TADA3: variants seen among roughly 807,000 people sequenced by gnomAD.
The protein encoded by TADA3 is transcriptional adapter 3.
Under a neutral mutation model 43.2 loss-of-function variants are expected in TADA3, and 25 were observed. The ratio of observed to expected loss-of-function variants is 0.58; its 90% CI spans 0.42 to 0.81. The LOEUF (loss-of-function observed/expected upper bound fraction) is 0.81. Ranked by LOEUF, TADA3 falls within the 30% of genes least tolerant of loss-of-function variation. TADA3 has a pLI of 0.00. For missense variants in TADA3, 441 were observed against 567.8 expected, an observed-to-expected ratio of 0.78 and a Z score of 2.27; for synonymous variants, 235 against 225.5, an observed-to-expected ratio of 1.04 and a Z score of -0.38.
At chr3:9,784,825 T>C (rs2078567869) in intron 7 of TADA3, among the ~76,000 whole-genome samples, 1 of 151,070 alleles carries the variant, frequency 6.6e-6, no homozygotes. Flanking sequence ...GATTGCGCCA[T>C]TGCGCTCCAA....
chr3:9,787,894 G>C (rs1247748814), intron 4 of TADA3: 2 of 388,736 alleles, frequency 5.1e-6, no homozygotes, highest in Non-Finnish European at 9.8e-6. Flanking sequence ...CTGTCAAGGA[G>C]ACAAGAGGGA....
chr3:9,790,092 A>G (rs1192607675), intron 2 of TADA3, 129 bp from the exon 3 acceptor site: 1 of 1,195,928 alleles, frequency 8.4e-7, no homozygotes, highest in African/African-American at 1.5e-5. Flanking sequence ...CTTTTTACCT[A>G]GTAAACTCTT....
At chr3:9,788,173 C>T (rs1220029980) in intron 4 of TADA3, 1 of 154,950 alleles carries the variant, frequency 6.5e-6, no homozygotes, top group Non-Finnish European at 1.4e-5. Flanking sequence ...TCTCCCTCAA[C>T]ATTTTTCTGT....
upstream of TADA3, chr3:9,792,506 G>C (rs936123560): frequency 8.2e-7 from 1 of 1,218,240 alleles, no homozygotes; most frequent in Non-Finnish European, 1.0e-6. Flanking sequence ...GTTGACGCGG[G>C]GGCGGGGAGT....
upstream of TADA3, chr3:9,792,990 C>A (rs1575314571): frequency 2.0e-6 from 3 of 1,468,188 alleles, no homozygotes; most frequent in Admixed American, 2.5e-5. Context: ...GGGCTCTCTA[C>A]CCCGCTCGGA....
At chr3:9,787,994 G>A (rs1011380637) in intron 4 of TADA3, 2 of 317,722 alleles carry the variant, frequency 6.3e-6, no homozygotes, top group Middle Eastern at 8.0e-4. Context: ...TGGTCAACAC[G>A]GCAATGAAGA....
At chr3:9,791,559 T>C in intron 1 of TADA3, 66 bp from the exon 2 acceptor site, 1 of 962,456 alleles carries the variant, frequency 1.0e-6, no homozygotes, top group Non-Finnish European at 1.5e-6. Context: ...GCTTCTTACC[T>C]CCAGGGACAG....
chr3:9,790,221 G>A (rs2078700374), intron 2 of TADA3, among the ~76,000 whole-genome samples: 1 of 152,074 alleles, frequency 6.6e-6, no homozygotes, highest in Non-Finnish European at 1.5e-5. Context: ...TATCACCCAT[G>A]CCAGTCACAT....
intron 6 of TADA3, among the ~76,000 whole-genome samples, chr3:9,785,667 G>A (rs1399325783): frequency 6.6e-6 from 1 of 152,238 alleles, no homozygotes. Flanking sequence ...ACTCAATGAT[G>A]GTAATGAACA....
rs143747476 is a variant in TADA3, at chr3:9,791,305, C to T, written c.162G>A (p.Leu54=). ...DTLQLELETL[L]SSASRRLRVL... Reference sequence around the variant, plus strand: ...CACGCAGGCGCCGGCTGGCAGAAGACAGCAGGGTCTCCAGCTCCAGCTGCA... The same window carrying T: ...CACGCAGGCGCCGGCTGGCAGAAGATAGCAGGGTCTCCAGCTCCAGCTGCA... The change falls in exon 2 of 9, where the codon CTG becomes CTA. Residue 54 remains leucine (L), a synonymous_variant. Transcript: ENST00000301964. 4 of 1,613,840 alleles carry T rather than the reference C, an allele frequency of 2.5e-6. No homozygotes were observed. Among genetic ancestry groups the T allele is most frequent in the Non-Finnish European group, 2.5e-6 (3 of 1,180,030 alleles).
At position 9,787,203 on chromosome 3, in the gene TADA3, A is replaced by G. The variant is rs1466339068; in HGVS notation, c.702T>C (p.Thr234=). ...GLMGPLTELD[T]KDVDALLKKS... ...GCAGGGAGGTGAGAGGCCTACCTTT[A>G]GTGTCCAGTTCGGTCAGTGGCCCCA... Residue 234 remains threonine, a synonymous_variant, in exon 5 of 9, where the codon ACT becomes ACC. Transcript: ENST00000301964. 2.5e-6 allele frequency: 4 copies of G among 1,614,170 alleles called. No individual in the cohort carries two copies. The highest frequency in any genetic ancestry group is 3.4e-6 in the Non-Finnish European group (4 of 1,180,022).
rs1336366149 is a variant in TADA3, at chr3:9,791,244, T to A, written c.207+16A>T. The A allele has an allele frequency of 1.2e-6, 2 of 1,607,006 alleles. No homozygotes were observed. Among genetic ancestry groups the A allele is most frequent in the East Asian group, 2.2e-5 (1 of 44,850 alleles). On this transcript the variant is annotated intron_variant, in intron 2 of 8. Coordinates refer to ENST00000301964, the MANE Select transcript of TADA3 (RefSeq NM_006354.5). Reference sequence around the variant, plus strand: ...GCAGTCCATCTCTGGTGCTGGCCCCTCTCTGGGGTTATCACCTGGGTTTCG... The same window carrying A: ...GCAGTCCATCTCTGGTGCTGGCCCCACTCTGGGGTTATCACCTGGGTTTCG...
At chr3:9,788,999 C>G (rs1193238661) in intron 4 of TADA3, among the ~76,000 whole-genome samples, 3 of 151,996 alleles carry the variant, frequency 2.0e-5, no homozygotes, top group Non-Finnish European at 4.4e-5. Flanking sequence ...CCATGCCTGG[C>G]TAATTTTTTG....
chr3:9,780,902 C>T (rs1243984213), intron 8 of TADA3, among the ~76,000 whole-genome samples: 1 of 152,080 alleles, frequency 6.6e-6, no homozygotes, highest in African/African-American at 2.4e-5. Context: ...ACTTTGGGAG[C>T]CCAAGGCAGA....
At chr3:9,781,011 AC>A (rs1462833351) in intron 8 of TADA3, among the ~76,000 whole-genome samples, 2 of 152,008 alleles carry the variant, frequency 1.3e-5, no homozygotes, top group Non-Finnish European at 2.9e-5. Flanking sequence ...GGTAGTGCAC[AC>A]CTGTAGTCCC....
chr3:9,791,431 G>A lies in TADA3; in HGVS notation c.36C>T (p.His12=), dbSNP rs138693438. The A allele has an allele frequency of 7.7e-5, 124 of 1,613,652 alleles. No homozygotes were observed. In the Middle Eastern group the frequency reaches 3.0e-3, roughly 39 times the overall value. The change falls in exon 2 of 9, where the codon CAC becomes CAT. Residue 12 remains histidine (H), a synonymous_variant. Coordinates refer to ENST00000301964, the MANE Select transcript of TADA3 (RefSeq NM_006354.5). ...SELKDCPLQF[H]DFKSVDHLKV... The stretch of plus-strand genomic sequence containing the variant: ...TCAGGTGATCCACAGACTTGAAGTC[G>A]TGGAACTGCAAGGGGCAGTCTTTCA...
In TADA3 at chr3:9,785,299, G is replaced by A. The variant is rs747035526; in HGVS notation, c.920+17C>T. ...AGCGGGGGCCAGACTGTGGGTTGTG[G>A]ATAGGACACCACTCACCTGAAGGGC... is the stretch of plus-strand genomic sequence containing the variant. On this transcript the variant is annotated intron_variant, in intron 7 of 8. Coordinates refer to ENST00000301964, the MANE Select transcript of TADA3 (RefSeq NM_006354.5). The A allele has an allele frequency of 6.3e-7, 1 of 1,596,900 alleles. No individual in the cohort carries two copies. The highest frequency in any genetic ancestry group is 2.2e-5 in the East Asian group (1 of 44,654).
intron 1 of TADA3, among the ~76,000 whole-genome samples, chr3:9,791,712 C>G (rs1455452017): frequency 1.1e-4 from 16 of 152,226 alleles, no homozygotes; most frequent in Admixed American, 1.0e-3. Context: ...GCACCATGAA[C>G]AAGGACCATT....
intron 4 of TADA3, among the ~76,000 whole-genome samples, chr3:9,788,480 T>C (rs1389985457): frequency 2.0e-5 from 3 of 151,674 alleles, no homozygotes; most frequent in East Asian, 1.9e-4. Context: ...CTCCTGACCT[T>C]GTGATCTGCC....
Sources: gnomAD v4.1 joint callset for allele counts (sites outside exome capture counted in the v4.1 genomes callset) on GRCh38, gnomAD v4.1.1 for gene constraint, MANE v1.5 for transcripts, NCBI Gene and HGNC (gene_info 2026-07-23, HGNC 2026-07-21) for gene names.